The following VPS13B variants were observed in gnomAD, a reference collection of about 807,000 sequenced individuals.
VPS13B encodes vacuolar protein sorting 13 homolog B, also known as intermembrane lipid transfer protein VPS13B.
In VPS13B, 285 loss-of-function variants were observed where a neutral mutation model predicts 426.4. That is an observed-to-expected ratio of 0.67 (90% CI 0.61 to 0.74). The LOEUF (loss-of-function observed/expected upper bound fraction) is 0.74. Among genes scored for constraint, VPS13B ranks in the 30% least tolerant of loss-of-function variants. The probability of loss-of-function intolerance (pLI) is 0.00; values close to 1 mark genes in which losing one functional copy is unlikely to be tolerated. For synonymous variants in VPS13B, 1,676 were observed against 1,676.4 expected, an observed-to-expected ratio of 1.00 and a Z score of 0.01; for missense variants, 4,537 against 4,782.6, an observed-to-expected ratio of 0.95 and a Z score of 1.51.
intron 37 of VPS13B, 51 bp downstream of exon 37, chr8:99,717,424 T>C: frequency 6.6e-7 from 1 of 1,507,702 alleles, no homozygotes; most frequent in Non-Finnish European, 9.2e-7. Flanking sequence ...CTAGCCTCTG[T>C]TCATTTTTTG....
chr8:99,113,757 G>T (rs963673057), intron 6 of VPS13B, among the ~76,000 whole-genome samples: 5 of 151,722 alleles, frequency 3.3e-5, no homozygotes, highest in Non-Finnish European at 5.9e-5. Context: ...TAGAGACAGG[G>T]TTTTGCCCTT....
At chr8:99,382,726 A>G (rs1219903511) in intron 19 of VPS13B, among the ~76,000 whole-genome samples, 1 of 152,182 alleles carries the variant, frequency 6.6e-6, no homozygotes, top group Non-Finnish European at 1.5e-5. Flanking sequence ...GGCCAAAACT[A>G]TGGTATTTTC....
intron 21 of VPS13B, among the ~76,000 whole-genome samples, chr8:99,413,556 C>A (rs1230649582): frequency 6.6e-6 from 1 of 151,954 alleles, no homozygotes; most frequent in East Asian, 1.9e-4. Flanking sequence ...CTGCTTTCTC[C>A]TGTGGGCATT....
Position 99,060,478 on chromosome 8 carries a change from A to C in VPS13B, c.291+21912A>C, listed in dbSNP as rs556698117. Among the ~76,000 whole-genome samples the C allele has an allele frequency of 3.5e-4, 53 of 152,142 alleles. 1 individual carries two copies. The South Asian group carries it at 9.8e-3, about 28-fold the overall frequency. On this transcript the variant is annotated intron_variant, in intron 3 of 61. Transcript: ENST00000357162. ...ACAAAAATTAGCCGGGTGTGGTGGC[A>C]GGCACCTGTAATCCCAGCCACTCAG...
At chr8:99,785,907 A>G (rs1157469953) in intron 43 of VPS13B, among the ~76,000 whole-genome samples, 1 of 152,208 alleles carries the variant, frequency 6.6e-6, no homozygotes, top group Non-Finnish European at 1.5e-5. Context: ...CTGCAGTAAC[A>G]TGTAATTGTA....
intron 30 of VPS13B, among the ~76,000 whole-genome samples, chr8:99,553,482 G>C (rs1287550975): frequency 6.6e-6 from 1 of 152,030 alleles, no homozygotes; most frequent in African/African-American, 2.4e-5. Flanking sequence ...TAAATATGCT[G>C]TTCATTCAGA....
intron 43 of VPS13B, among the ~76,000 whole-genome samples, chr8:99,789,418 A>G (rs1373086211): frequency 6.6e-6 from 1 of 152,138 alleles, no homozygotes; most frequent in Non-Finnish European, 1.5e-5. Context: ...CATGCATGTT[A>G]AAGTTTGTTT....
Position 99,402,375 on chromosome 8 carries a change from A to G in VPS13B, c.3082+10671A>G, listed in dbSNP as rs556481796. ...GAAGACATCTCTCTCTGGGTTTTATATTCCATGGTGATATGACTTGCTGGC... is the reference window on the plus strand; with the variant it reads ...GAAGACATCTCTCTCTGGGTTTTATGTTCCATGGTGATATGACTTGCTGGC... On this transcript the variant is annotated intron_variant, in intron 21 of 61. Coordinates refer to ENST00000357162, the MANE Select transcript of VPS13B (RefSeq NM_152564.5). 2.6e-5 allele frequency among the ~76,000 whole-genome samples: 4 copies of G among 152,264 alleles called. No homozygotes were observed. In the East Asian group the frequency reaches 7.7e-4, roughly 29 times the overall value.
At chr8:99,231,711 G>A (rs1200948699) in intron 17 of VPS13B, among the ~76,000 whole-genome samples, 1 of 152,052 alleles carries the variant, frequency 6.6e-6, no homozygotes, top group Non-Finnish European at 1.5e-5. Flanking sequence ...AGAAACACAA[G>A]AGCAAGGTGC....
intron 3 of VPS13B, among the ~76,000 whole-genome samples, chr8:99,053,675 C>CTTTTTTTTT (rs1171107732): frequency 7.6e-6 from 1 of 132,230 alleles, no homozygotes; most frequent in Non-Finnish European, 1.7e-5. Context: ...TTTTTTTTTC[C>CTTTTTTTTT]TTTTTTTTTT....
chr8:99,625,069 C>T (rs1023361908), intron 33 of VPS13B, among the ~76,000 whole-genome samples: 2 of 152,078 alleles, frequency 1.3e-5, no homozygotes, highest in African/African-American at 4.8e-5. Context: ...AGGTGATCCA[C>T]CCGCCTCAGC....
intron 24 of VPS13B, among the ~76,000 whole-genome samples, chr8:99,472,970 G>C (rs1300171014): frequency 6.6e-6 from 1 of 151,960 alleles, no homozygotes; most frequent in East Asian, 1.9e-4. Context: ...AAGAAGAAAA[G>C]AGCAAAACCA....
In VPS13B at chr8:99,275,137, G is replaced by T. The variant is rs766504530; in HGVS notation, c.2707G>T (p.Asp903Tyr). The T allele has an allele frequency of 6.2e-6, 10 of 1,612,324 alleles. No homozygotes were observed. Among genetic ancestry groups the T allele is most frequent in the Non-Finnish European group, 7.6e-6 (9 of 1,179,178 alleles). Residue 903 changes from aspartate to tyrosine, a missense_variant, in exon 19 of 62, where the codon GAC (aspartate) becomes TAC (tyrosine). Physicochemically the swap from Asp to Tyr is radical, Grantham distance 160. This residue lies in a region of VPS13B where 4,311 missense variants were observed against 4,474.3 expected (regional missense o/e 0.96). Coordinates refer to ENST00000357162, the MANE Select transcript of VPS13B (RefSeq NM_152564.5). ...GCTTCAGGGTCCTTCTGACACTAAA[G>T]ACCTTCATAGCACCAAGTGGCTCAA... Reference protein sequence around the residue: ...PLLQGPSDTKDLHSTKWLNES... With the variant: ...PLLQGPSDTKYLHSTKWLNES...
chr8:99,203,119 T>G, intron 17 of VPS13B, among the ~76,000 whole-genome samples: 1 of 151,066 alleles, frequency 6.6e-6, no homozygotes, highest in East Asian at 1.9e-4. Flanking sequence ...CTCAATAAAA[T>G]ACTGGCAAAC....
intron 3 of VPS13B, among the ~76,000 whole-genome samples, chr8:99,072,424 T>TA (rs1251916939): frequency 6.6e-6 from 1 of 152,156 alleles, no homozygotes; most frequent in Non-Finnish European, 1.5e-5. Flanking sequence ...TGATGCCCTA[T>TA]GCTACTGTGG....
chr8:99,438,808 T>C (rs1372679149), intron 22 of VPS13B, among the ~76,000 whole-genome samples: 18 of 152,168 alleles, frequency 1.2e-4, no homozygotes, highest in Admixed American at 1.2e-3. Flanking sequence ...AATACTAATT[T>C]TAATGGCCCC....
intron 6 of VPS13B, among the ~76,000 whole-genome samples, chr8:99,114,798 A>T (rs1266453340): frequency 2.0e-5 from 3 of 152,122 alleles, no homozygotes; most frequent in Non-Finnish European, 2.9e-5. Context: ...CATTACTATT[A>T]CTTCATCTTT....
At chr8:99,353,143 G>A (rs1217566722) in intron 19 of VPS13B, among the ~76,000 whole-genome samples, 1 of 151,740 alleles carries the variant, frequency 6.6e-6, no homozygotes, top group Non-Finnish European at 1.5e-5. Flanking sequence ...CACCATGCCT[G>A]GCTAATTTTT....
intron 19 of VPS13B, among the ~76,000 whole-genome samples, chr8:99,302,504 C>T (rs939751341): frequency 6.6e-6 from 1 of 152,006 alleles, no homozygotes; most frequent in South Asian, 2.1e-4. Context: ...TTATTGAATA[C>T]TCTATTGATT....
Sources: gnomAD v4.1 joint callset for allele counts (sites outside exome capture counted in the v4.1 genomes callset) on GRCh38, gnomAD v4.1.1 for gene constraint, gnomAD v4.1.1 regional missense constraint, MANE v1.5 for transcripts, NCBI Gene and HGNC (gene_info 2026-07-23, HGNC 2026-07-21) for gene names.